Variants in GALNS observed in about 807,000 individuals in gnomAD.
GALNS encodes galactosamine (N-acetyl)-6-sulfatase.
In GALNS, 65 loss-of-function variants were observed where a neutral mutation model predicts 65.9. The observed-to-expected ratio is 0.99, with a 90% CI of 0.81 to 1.21. The LOEUF (loss-of-function observed/expected upper bound fraction) is 1.21, where lower values mean the gene tolerates loss of function less well. GALNS is among the 50% of genes most tolerant of loss of function. The pLI is 0.00. For missense variants in GALNS, 776 were observed against 700.7 expected (o/e 1.11, Z -1.21); for synonymous variants, 346 against 288.9 (o/e 1.20, Z -2.00).
At position 88,814,341 on chromosome 16, in the gene GALNS, G is replaced by C. The variant is rs1391523573; in HGVS notation, c.*98C>G. The C allele has an allele frequency of 6.7e-7, 1 of 1,483,812 alleles. No homozygotes were observed. Among genetic ancestry groups the C allele is most frequent in the Non-Finnish European group, 9.2e-7 (1 of 1,088,826 alleles). 91.9% of individuals were successfully genotyped at this position (1,483,812 alleles called of 1,614,324 possible). A position where few individuals can be genotyped will look rare whatever the true frequency, so the allele number is the denominator to read the frequency against. On this transcript the variant is annotated 3_prime_UTR_variant, in exon 14 of 14. Coordinates refer to ENST00000268695, the MANE Select transcript of GALNS (RefSeq NM_000512.5). ...CTGCAGGTGCTGTCTGTCTGGCTTG[G>C]GCAGGGTTGGGGGAGGACCGAGGCC...
At chr16:88,833,538 G>A (rs528618685) in intron 8 of GALNS, among the ~76,000 whole-genome samples, 27 of 148,066 alleles carry the variant, frequency 1.8e-4, no homozygotes, top group African/African-American at 6.0e-4. Context: ...TGCAAGCTCC[G>A]CCTCCCGGGT....
At chr16:88,844,998 G>T (rs937648910) in intron 1 of GALNS, 5 of 151,716 alleles carry the variant, frequency 3.3e-5, no homozygotes, top group Non-Finnish European at 2.9e-5. Context: ...TACTCTTTTG[G>T]TTTTTTGAAC....
rs117624874 is a variant in GALNS, at chr16:88,838,018, C to T, written c.423-253G>A. On this transcript the variant is annotated intron_variant, in intron 4 of 13. Transcript: ENST00000268695. ...GGCAGGCATGGCGGCGGCCGGGGTT[C>T]CCTGCACGGTGAAGGGTGGTGCATC... is the stretch of plus-strand genomic sequence containing the variant. The T allele has an allele frequency of 0.063, 31,968 of 504,574 alleles. 1,285 individuals carry two copies. Among genetic ancestry groups the T allele is most frequent in the Middle Eastern group, 0.14 (246 of 1,816 alleles). The allele number at this position is 504,574 out of a possible 1,614,324, so 31.3% of individuals were successfully genotyped here. A position where few individuals can be genotyped will look rare whatever the true frequency, so the allele number is the denominator to read the frequency against.
chr16:88,856,128 G>A, intron 1 of GALNS: 1 of 700,968 alleles, frequency 1.4e-6, no homozygotes, highest in Non-Finnish European at 2.6e-6. Flanking sequence ...CTCCAGGCTG[G>A]CTGTGACCCC....
chr16:88,845,169 A>C (rs1967188150), intron 1 of GALNS: 1 of 151,868 alleles, frequency 6.6e-6, no homozygotes, highest in African/African-American at 2.4e-5. Flanking sequence ...AACATGGTGA[A>C]ACCCCGCCTC....
intron 13 of GALNS, chr16:88,817,109 G>A (rs1909710192): frequency 2.0e-6 from 2 of 985,470 alleles, no homozygotes; most frequent in South Asian, 4.7e-5. Context: ...CATCAGCTGT[G>A]CTGGGAAACA....
chr16:88,842,893 C>T lies in GALNS; in HGVS notation c.121-64G>A, dbSNP rs1396275220. ...CTGCAGGTGCTTCTGGCCTGGGGAG[C>T]TGCCCATGGTGCCAAGAGCGTGTCG... On this transcript the variant is annotated intron_variant, in intron 1 of 13. Transcript: ENST00000268695. The T allele has an allele frequency of 4.4e-6, 7 of 1,596,504 alleles. No individual in the cohort carries two copies. The Admixed American group carries it at 6.9e-5, about 16-fold the overall frequency.
intron 8 of GALNS, among the ~76,000 whole-genome samples, chr16:88,834,842 C>T (rs546414906): frequency 4.0e-4 from 61 of 152,212 alleles, no homozygotes; most frequent in East Asian, 1.6e-3. Flanking sequence ...CAGGGCTGCT[C>T]GGGGTCTGGG....
chr16:88,842,467 AG>A, intron 2 of GALNS: 1 of 590,428 alleles, frequency 1.7e-6, no homozygotes, highest in African/African-American at 1.9e-5. Context: ...GAAACAGAAC[AG>A]CAGCCACCAA....
intron 2 of GALNS, 186 bp downstream of exon 2, chr16:88,842,520 A>G: frequency 1.4e-6 from 1 of 697,948 alleles, no homozygotes; most frequent in South Asian, 1.9e-5. Flanking sequence ...CAGGTGCCGC[A>G]CCCCACATGG....
At position 88,826,604 on chromosome 16, in the gene GALNS, C is replaced by T. The variant is rs371641885; in HGVS notation, c.1139+98G>A. On this transcript the variant is annotated intron_variant, in intron 10 of 13. Coordinates refer to ENST00000268695, the MANE Select transcript of GALNS (RefSeq NM_000512.5). ...GGCACGAGCACGCCTGTGTCCAGAA[C>T]CAGGAGGGCTGCTGGGCCTGGGGGT... is the stretch of plus-strand genomic sequence containing the variant. The T allele has an allele frequency of 1.4e-5, 20 of 1,442,030 alleles. No individual in the cohort carries two copies. The East Asian group carries it at 1.6e-4, about 12-fold the overall frequency. The allele number at this position is 1,442,030 out of a possible 1,614,324, so 89.3% of individuals were successfully genotyped here. A position where few individuals can be genotyped will look rare whatever the true frequency, so the allele number is the denominator to read the frequency against.
chr16:88,827,736 C>T (rs557929037), intron 9 of GALNS, among the ~76,000 whole-genome samples: 3 of 152,256 alleles, frequency 2.0e-5, no homozygotes, highest in Admixed American at 6.5e-5. Context: ...ATGAGCCCGG[C>T]GGCCCTGTCT....
intron 1 of GALNS, chr16:88,855,446 G>A (rs1174183951): frequency 2.8e-6 from 2 of 702,746 alleles, no homozygotes; most frequent in Non-Finnish European, 5.2e-6. Context: ...ATGCCACTCA[G>A]TGCAGAGAAA....
rs192164337 is a variant in GALNS, at chr16:88,833,514, C to T, written c.899-1413G>A. On this transcript the variant is annotated intron_variant, in intron 8 of 13. Coordinates refer to ENST00000268695, the MANE Select transcript of GALNS (RefSeq NM_000512.5). ...TCGCCCAGGCTGGAGTGCAGTGGTG[C>T]GATCTCGGCTCACTGCAAGCTCCGC... Among the ~76,000 whole-genome samples the T allele has an allele frequency of 5.6e-3, 839 of 148,874 alleles. 8 individuals are homozygous for T. The highest frequency in any genetic ancestry group is 0.02 in the African/African-American group (809 of 40,020).
At chr16:88,835,170 G>A (rs779524789) in intron 8 of GALNS, 43 bp downstream of exon 8, 32 of 1,554,000 alleles carry the variant, frequency 2.1e-5, no homozygotes, top group Middle Eastern at 3.3e-4. Flanking sequence ...TCGCTGACAC[G>A]CTGGCTGTGG....
chr16:88,854,523 G>A (rs557625359), intron 1 of GALNS, among the ~76,000 whole-genome samples: 1 of 152,324 alleles, frequency 6.6e-6, no homozygotes, highest in African/African-American at 2.4e-5. Flanking sequence ...TCTCCCTTCT[G>A]GGGTAGGCCC....
intron 7 of GALNS, 140 bp downstream of exon 7, chr16:88,835,585 G>T: frequency 7.2e-7 from 1 of 1,387,906 alleles, no homozygotes; most frequent in Non-Finnish European, 1.0e-6. Flanking sequence ...TCCCAGGCCA[G>T]TGGACGGCTT....
chr16:88,854,266 A>C (rs1967652370), intron 1 of GALNS, among the ~76,000 whole-genome samples: 1 of 152,222 alleles, frequency 6.6e-6, no homozygotes, highest in Non-Finnish European at 1.5e-5. Context: ...TGGCAGAAAC[A>C]ACCGGTCTGC....
intron 8 of GALNS, among the ~76,000 whole-genome samples, chr16:88,833,416 T>TTCCC (rs1322417395): frequency 1.0e-4 from 14 of 135,496 alleles, no homozygotes; most frequent in South Asian, 6.9e-4. Context: ...CTTCTTCTCC[T>TTCCC]TCCCTCCCTC....
Sources: gnomAD v4.1 joint callset for allele counts (sites outside exome capture counted in the v4.1 genomes callset) on GRCh38, gnomAD v4.1.1 for gene constraint, MANE v1.5 for transcripts, NCBI Gene and HGNC (gene_info 2026-07-23, HGNC 2026-07-21) for gene names.